Variants in HIF3A observed in about 807,000 individuals in gnomAD.
The protein encoded by HIF3A is hypoxia inducible factor 3 subunit alpha.
In HIF3A, 41 loss-of-function variants were observed where a neutral mutation model predicts 67.2. The observed-to-expected ratio is 0.61, with a 90% CI of 0.48 to 0.79. HIF3A has a LOEUF of 0.79. Ranked by LOEUF, HIF3A falls within the 30% of genes least tolerant of loss-of-function variation. HIF3A has a pLI of 0.00. For synonymous variants in HIF3A, 356 were observed against 374.8 expected (o/e 0.95, Z 0.58); for missense variants, 855 against 898.0 (o/e 0.95, Z 0.61).
intron 1 of HIF3A, among the ~76,000 whole-genome samples, chr19:46,300,229 T>G (rs1420998188): frequency 6.6e-6 from 1 of 152,200 alleles, no homozygotes; most frequent in Non-Finnish European, 1.5e-5. Context: ...TTTAAGATGC[T>G]TGTGTAAAAA....
chr19:46,327,983 T>C (rs1261564444), intron 11 of HIF3A, among the ~76,000 whole-genome samples: 1 of 152,202 alleles, frequency 6.6e-6, no homozygotes, highest in Non-Finnish European at 1.5e-5. Context: ...AAAGCATCAG[T>C]GTTCAGAGTT....
intron 2 of HIF3A, 80 bp from the exon 3 acceptor site, chr19:46,305,165 G>T: frequency 1.2e-6 from 2 of 1,600,246 alleles, no homozygotes; most frequent in South Asian, 2.2e-5. Flanking sequence ...GAAAGGCAGA[G>T]GGAGGCTAGC....
At chr19:46,321,116 C>T (rs1970327399) in intron 9 of HIF3A, among the ~76,000 whole-genome samples, 1 of 152,284 alleles carries the variant, frequency 6.6e-6, no homozygotes, top group Non-Finnish European at 1.5e-5. Flanking sequence ...TGGCTCAGAG[C>T]TGGCTCTGGG....
Position 46,339,885 on chromosome 19 carries a change from G to T in HIF3A, c.*263G>T. The T allele has an allele frequency of 2.6e-6, 1 of 380,498 alleles. No individual in the cohort carries two copies. The highest frequency in any genetic ancestry group is 4.7e-6 in the Non-Finnish European group (1 of 214,536). The allele number at this position is 380,498 out of a possible 1,614,324, so 23.6% of individuals were successfully genotyped here. A position where few individuals can be genotyped will look rare whatever the true frequency, so the allele number is the denominator to read the frequency against. On this transcript the variant is annotated 3_prime_UTR_variant, in exon 15 of 15. Transcript: ENST00000377670. Reference sequence around the variant, plus strand: ...TCCTTCTCTCAGGATTTCTCTTGGGGTTCTCAATACTTGGTTACCTCATTA... The same window carrying T: ...TCCTTCTCTCAGGATTTCTCTTGGGTTTCTCAATACTTGGTTACCTCATTA...
In HIF3A at chr19:46,297,380, G is replaced by C. The variant is rs1967947624; in HGVS notation, c.26+278G>C. Among the ~76,000 whole-genome samples, 1 of 152,140 alleles carries C rather than the reference G, an allele frequency of 6.6e-6. No homozygotes were observed. Among genetic ancestry groups the C allele is most frequent in the Non-Finnish European group, 1.5e-5 (1 of 68,020 alleles). On this transcript the variant is annotated intron_variant, in intron 1 of 14. Transcript: ENST00000377670. The surrounding 1 kb of genome is among the most constrained non-coding windows in gnomAD (Gnocchi z 4.5). Reference sequence around the variant, plus strand: ...GGCTCATTTACCCTCCTGGTTGGGGGTGGAACTTGGGATTCCTGATAAATT... The same window carrying C: ...GGCTCATTTACCCTCCTGGTTGGGGCTGGAACTTGGGATTCCTGATAAATT...
intron 13 of HIF3A, among the ~76,000 whole-genome samples, chr19:46,333,788 CTTTT>C (rs1165101162): frequency 2.9e-5 from 3 of 103,564 alleles, no homozygotes; most frequent in Admixed American, 9.9e-5. Flanking sequence ...TTCTTTCTTT[CTTTT>C]TTTTTTTTTT....
chr19:46,312,135 C>A, intron 6 of HIF3A, 26 bp from the exon 7 acceptor site: 1 of 1,580,150 alleles, frequency 6.3e-7, no homozygotes, highest in Non-Finnish European at 8.7e-7. Flanking sequence ...GCATCCTGAC[C>A]AGACCCCACT....
rs531532125 is a variant in HIF3A, at chr19:46,297,860, C to A, written c.26+758C>A. Among the ~76,000 whole-genome samples, 3 of 152,158 alleles carry A rather than the reference C, an allele frequency of 2.0e-5. No individual in the cohort carries two copies. Among genetic ancestry groups the A allele is most frequent in the Admixed American group, 2.0e-4 (3 of 15,298 alleles). On this transcript the variant is annotated intron_variant, in intron 1 of 14. Coordinates refer to ENST00000377670, the MANE Select transcript of HIF3A (RefSeq NM_152795.4). This position sits in a 1 kb window ranked among gnomAD's most constrained non-coding sequence, Gnocchi z 4.5. ...CCCATCCTGAGAGACAGGGGAGCCT[C>A]ATCCAAGCTTTATTTTGGGGAGACT...
intron 14 of HIF3A, among the ~76,000 whole-genome samples, chr19:46,339,271 TA>T (rs891344542): frequency 0.011 from 1,605 of 150,830 alleles, 34 homozygotes; most frequent in African/African-American, 0.037. Context: ...CCCCAGCCAA[TA>T]AAAAAAAAGT....
intron 6 of HIF3A, among the ~76,000 whole-genome samples, chr19:46,310,998 G>A (rs1969379834): frequency 6.6e-6 from 1 of 152,122 alleles, no homozygotes. Flanking sequence ...TGATCGGCCC[G>A]CCTCGGCCTC....
rs779206770 is a variant in HIF3A at position 46,331,156 on chromosome 19, G to A, written c.1713G>A (p.Arg571=). Residue 571 remains arginine (R), a splice_region_variant and synonymous_variant, in exon 13 of 15, where the codon AGG becomes AGA. Coordinates refer to ENST00000377670, the MANE Select transcript of HIF3A (RefSeq NM_152795.4). ...ASSPMAGARK[R]TLAQSSEDED... is the part of the protein sequence containing the mutation. ...GAGATTCTTGCCTGTTTTCCTCCAGGACCCTGGCCCAGAGCTCAGAGGACG... is the reference window on the plus strand; with the variant it reads ...GAGATTCTTGCCTGTTTTCCTCCAGAACCCTGGCCCAGAGCTCAGAGGACG... 1.2e-6 allele frequency: 2 copies of A among 1,610,398 alleles called. No individual in the cohort carries two copies. Among genetic ancestry groups the A allele is most frequent in the South Asian group, 2.2e-5 (2 of 90,874 alleles).
At chr19:46,298,481 G>C in intron 1 of HIF3A, 1 of 1,286,626 alleles carries the variant, frequency 7.8e-7, no homozygotes, top group Non-Finnish European at 1.0e-6. Context: ...GCACCCCCTG[G>C]ATGGCCCTTC....
chr19:46,312,789 C>T (rs1284573085), intron 8 of HIF3A, 136 bp downstream of exon 8: 24 of 1,408,944 alleles, frequency 1.7e-5, no homozygotes, highest in South Asian at 4.9e-5. Flanking sequence ...GGAGTGTGCA[C>T]GTGTACACAT....
At chr19:46,335,203 G>A (rs1055571753) in intron 14 of HIF3A, among the ~76,000 whole-genome samples, 4 of 152,064 alleles carry the variant, frequency 2.6e-5, no homozygotes, top group Non-Finnish European at 4.4e-5. Context: ...CTTTTGGGGT[G>A]GAAGCCCGAG....
At chr19:46,303,680 G>T in intron 1 of HIF3A, 2 of 1,587,556 alleles carry the variant, frequency 1.3e-6, no homozygotes, top group South Asian at 2.3e-5. Context: ...GGACTGGCAA[G>T]ACCACAGGTA....
At chr19:46,321,448 A>G (rs1009986826) in intron 9 of HIF3A, among the ~76,000 whole-genome samples, 2 of 152,136 alleles carry the variant, frequency 1.3e-5, no homozygotes, top group Non-Finnish European at 2.9e-5. Context: ...GCTGGGTGTG[A>G]TGGCGGGCAC....
chr19:46,335,060 T>A, intron 14 of HIF3A, 74 bp downstream of exon 14: 1 of 1,199,686 alleles, frequency 8.3e-7, no homozygotes, highest in Non-Finnish European at 1.2e-6. Flanking sequence ...ATGGAGCCAT[T>A]CCAAAGGTGC....
At chr19:46,302,799 A>G (rs893868086) in intron 1 of HIF3A, among the ~76,000 whole-genome samples, 4 of 151,908 alleles carry the variant, frequency 2.6e-5, no homozygotes, top group African/African-American at 9.7e-5. Context: ...GCTTTAGCCT[A>G]GGATACTGAG....
chr19:46,312,976 A>G (rs1969596480), intron 8 of HIF3A: 16 of 1,001,178 alleles, frequency 1.6e-5, no homozygotes, highest in Non-Finnish European at 1.9e-5. Flanking sequence ...TTGGCCTGGC[A>G]TGGTGGCTCA....
Sources: gnomAD v4.1 joint callset for allele counts (sites outside exome capture counted in the v4.1 genomes callset) on GRCh38, gnomAD v4.1.1 for gene constraint, Gnocchi (gnomAD v3.1) non-coding constraint, MANE v1.5 for transcripts, NCBI Gene and HGNC (gene_info 2026-07-23, HGNC 2026-07-21) for gene names.